Variants in STRN3 observed in about 807,000 individuals in gnomAD.
STRN3 encodes the protein striatin-3.
Under a neutral mutation model 95.6 loss-of-function variants are expected in STRN3, and 29 were observed. That is an observed-to-expected ratio of 0.30 (90% confidence interval 0.23 to 0.41). STRN3 has a LOEUF of 0.41. Ranked by LOEUF, STRN3 falls within the 10% of genes least tolerant of loss-of-function variation. The pLI is 1.00. For synonymous variants in STRN3, 331 were observed against 357.6 expected (o/e 0.93, Z 0.84); for missense variants, 890 against 972.1 (o/e 0.92, Z 1.12).
intron 14 of STRN3, among the ~76,000 whole-genome samples, chr14:30,906,536 T>G (rs1896464714): frequency 1.3e-5 from 2 of 152,174 alleles, no homozygotes; most frequent in South Asian, 4.1e-4. Context: ...TAGGTATGCT[T>G]GAGACTGTGA....
At chr14:30,984,124 C>A (rs1293512701) in intron 1 of STRN3, among the ~76,000 whole-genome samples, 2 of 85,718 alleles carry the variant, frequency 2.3e-5, no homozygotes, top group East Asian at 4.7e-4. Context: ...TGGCATCTTC[C>A]CCGCCCCCCC....
At chr14:30,984,562 G>A (rs894924320) in intron 1 of STRN3, among the ~76,000 whole-genome samples, 1 of 151,752 alleles carries the variant, frequency 6.6e-6, no homozygotes, top group Non-Finnish European at 1.5e-5. Flanking sequence ...CGCAGATCAC[G>A]AGGTCAAGAG....
Position 30,954,916 on chromosome 14 carries a change from GA to G in STRN3, c.460+703del, listed in dbSNP as rs57188044. Among the ~76,000 whole-genome samples the G allele has an allele frequency of 6.9e-3, 823 of 119,716 alleles. 5 individuals carry two copies. The highest frequency in any genetic ancestry group is 0.015 in the African/African-American group (483 of 32,564). The allele number at this position is 119,716 out of a possible 152,430, so 78.5% of individuals were successfully genotyped here. On this transcript the variant is annotated intron_variant, in intron 3 of 17. Coordinates refer to ENST00000357479, the MANE Select transcript of STRN3 (RefSeq NM_001083893.2). ...CCATACTGGAAATAAAATGAGTCAA[GA>G]AAAAAAAAAAAAAGCTCTGAATTCA...
At chr14:30,917,173 C>T (rs898430703) in intron 9 of STRN3, among the ~76,000 whole-genome samples, 2 of 152,160 alleles carry the variant, frequency 1.3e-5, no homozygotes, top group Non-Finnish European at 2.9e-5. Flanking sequence ...CTTTAAATAA[C>T]AAATTCCAGG....
intron 1 of STRN3, among the ~76,000 whole-genome samples, chr14:30,963,979 C>A (rs558866764): frequency 1.3e-5 from 2 of 152,212 alleles, no homozygotes; most frequent in Non-Finnish European, 2.9e-5. Flanking sequence ...GAGCCAGGTG[C>A]GATGGCTCAT....
At chr14:30,932,521 T>G (rs1243334244) in intron 7 of STRN3, 3 of 152,212 alleles carry the variant, frequency 2.0e-5, no homozygotes, top group Non-Finnish European at 4.4e-5. Context: ...TTATTTTCCT[T>G]CACTAAGAAC....
At position 31,025,994 on chromosome 14, in the gene STRN3, A is replaced by G. The variant is rs1399834604; in HGVS notation, c.192T>C (p.Thr64=). 3 of 1,564,572 alleles carry G rather than the reference A, an allele frequency of 1.9e-6. No individual in the cohort carries two copies. Among genetic ancestry groups the G allele is most frequent in the Non-Finnish European group, 2.6e-6 (3 of 1,155,738 alleles). The part of the protein sequence containing the change: ...GPELSRPQQY[T]IPGILHYIQH... ...GGATGTAGTGCAGTATCCCCGGGAT[A>G]GTGTACTGCTGCGGCCGGGACAGCT... Residue 64 remains threonine, a synonymous_variant, in exon 1 of 18, where the codon ACT becomes ACC. Coordinates refer to ENST00000357479, the MANE Select transcript of STRN3 (RefSeq NM_001083893.2).
intron 1 of STRN3, among the ~76,000 whole-genome samples, chr14:30,970,400 A>G (rs1228822587): frequency 6.6e-6 from 1 of 152,188 alleles, no homozygotes; most frequent in Admixed American, 6.5e-5. Context: ...AGACTGCCCC[A>G]AACAGTTTTT....
intron 1 of STRN3, among the ~76,000 whole-genome samples, chr14:30,977,936 A>G (rs1396146242): frequency 1.3e-5 from 2 of 152,296 alleles, no homozygotes; most frequent in African/African-American, 2.4e-5. Context: ...TCCTTGAAAG[A>G]CACAATCTAC....
intron 16 of STRN3, among the ~76,000 whole-genome samples, chr14:30,902,315 G>A (rs941852416): frequency 2.0e-5 from 3 of 150,694 alleles, no homozygotes; most frequent in Non-Finnish European, 2.9e-5. Flanking sequence ...TAACTAACAT[G>A]ACTTGAAGAA....
Position 30,955,677 on chromosome 14 carries a change from A to C in STRN3, c.403T>G (p.Leu135Val), listed in dbSNP as rs1051018452. 5.1e-6 allele frequency: 8 copies of C among 1,582,540 alleles called. No homozygotes were observed. Among genetic ancestry groups the C allele is most frequent in the African/African-American group, 1.4e-5 (1 of 72,648 alleles). The change falls in exon 3 of 18, where the codon TTA becomes GTA. Residue 135 changes from leucine (L) to valine (V), a missense_variant. Leu to Val is a conservative substitution (Grantham distance 32, BLOSUM62 1). Transcript: ENST00000357479. ...LKQERAKYHK[L>V]KYGTELNQGD... The stretch of plus-strand genomic sequence containing the variant: ...TGGTTCAGTTCCGTGCCATATTTTA[A>C]TTTGTGATATTTTGCCCTGAAAATT...
chr14:30,961,362 A>G (rs1484285712), intron 1 of STRN3, among the ~76,000 whole-genome samples: 1 of 152,216 alleles, frequency 6.6e-6, no homozygotes, highest in Non-Finnish European at 1.5e-5. Flanking sequence ...CATGTGCCAC[A>G]TGACATTTCA....
Position 30,986,587 on chromosome 14 carries a change from C to T in STRN3, c.283-30345G>A, listed in dbSNP as rs74041094. On this transcript the variant is annotated intron_variant, in intron 1 of 17. Coordinates refer to ENST00000357479, the MANE Select transcript of STRN3 (RefSeq NM_001083893.2). ...TCCATACTATGCAGAAAACAAGTTC[C>T]TTGAAAACACAGGCCACATCATTTT... Among the ~76,000 whole-genome samples the T allele has an allele frequency of 5.8e-3, 889 of 152,326 alleles. 7 individuals carry two copies. Among genetic ancestry groups the T allele is most frequent in the East Asian group, 0.032 (165 of 5,184 alleles).
intron 5 of STRN3, among the ~76,000 whole-genome samples, chr14:30,944,609 ATATATATACACAT>A (rs1879270868): frequency 4.6e-5 from 6 of 129,856 alleles, no homozygotes; most frequent in Non-Finnish European, 9.4e-5. Context: ...ATATATACAC[ATATATATACACAT>A]TTTTTTTTTT....
intron 10 of STRN3, among the ~76,000 whole-genome samples, chr14:30,912,538 T>A (rs17097503): frequency 0.09 from 13,768 of 152,200 alleles, 695 homozygotes; most frequent in South Asian, 0.17. Context: ...ATTACAAATA[T>A]CCAACGGTAC....
At chr14:30,968,678 CAAAA>C (rs202184920) in intron 1 of STRN3, among the ~76,000 whole-genome samples, 2 of 127,862 alleles carry the variant, frequency 1.6e-5, no homozygotes. Flanking sequence ...GACTCCATCT[CAAAA>C]AAAAAAAAAA....
intron 1 of STRN3, among the ~76,000 whole-genome samples, chr14:30,974,498 C>A (rs1880988113): frequency 6.6e-6 from 1 of 151,216 alleles, no homozygotes; most frequent in South Asian, 2.1e-4. Context: ...AAGCAATCCA[C>A]AGATTCAATG....
intron 1 of STRN3, among the ~76,000 whole-genome samples, chr14:30,957,858 G>A (rs1879997007): frequency 6.6e-6 from 1 of 152,114 alleles, no homozygotes; most frequent in African/African-American, 2.4e-5. Flanking sequence ...AGATGACACA[G>A]GTGCATTTGT....
chr14:30,961,335 A>G (rs1431151660), intron 1 of STRN3, among the ~76,000 whole-genome samples: 1 of 152,242 alleles, frequency 6.6e-6, no homozygotes, highest in Non-Finnish European at 1.5e-5. Context: ...CAAGAGACAA[A>G]GAACATTATA....
Sources: gnomAD v4.1 joint callset for allele counts (sites outside exome capture counted in the v4.1 genomes callset) on GRCh38, gnomAD v4.1.1 for gene constraint, MANE v1.5 for transcripts, NCBI Gene and HGNC (gene_info 2026-07-23, HGNC 2026-07-21) for gene names.